The following FSTL4 variants were observed in gnomAD, a reference collection of about 807,000 sequenced individuals.
FSTL4 encodes follistatin-related protein 4.
FSTL4 carries 28 observed loss-of-function variants against 78.2 expected under a neutral mutation model. That is an observed-to-expected ratio of 0.36 (90% CI 0.27 to 0.49). The LOEUF is 0.49. FSTL4 is among the 20% of genes least tolerant of loss of function. The pLI is 0.98. For missense variants in FSTL4, 922 were observed against 1,084.9 expected (o/e 0.85, Z 2.11); for synonymous variants, 422 against 440.5 (o/e 0.96, Z 0.53).
At chr5:133,783,745 A>C in the FSTL4 span, among the ~76,000 whole-genome samples, 1 of 152,156 alleles carries the variant, frequency 6.6e-6, no homozygotes, top group South Asian at 2.1e-4. Flanking sequence ...TGGTTTGGGG[A>C]AACGTTCCTT....
At chr5:133,737,766 G>A in the FSTL4 span, among the ~76,000 whole-genome samples, 5 of 152,034 alleles carry the variant, frequency 3.3e-5, no homozygotes, top group East Asian at 1.9e-4. Flanking sequence ...CACTGTGCCC[G>A]GCTAATTTTT....
chr5:133,508,382 T>TAC (rs1758655617), intron 3 of FSTL4, among the ~76,000 whole-genome samples: 1 of 152,230 alleles, frequency 6.6e-6, no homozygotes, highest in African/African-American at 2.4e-5. Context: ...AGGTCTGAGC[T>TAC]ACCTTTGGGA....
At chr5:133,683,626 C>T in the FSTL4 span, among the ~76,000 whole-genome samples, 1 of 152,198 alleles carries the variant, frequency 6.6e-6, no homozygotes, top group Admixed American at 6.5e-5. Flanking sequence ...CAGCATCATG[C>T]TAATACATAT....
chr5:133,691,593 T>C, the FSTL4 span, among the ~76,000 whole-genome samples: 1 of 152,150 alleles, frequency 6.6e-6, no homozygotes, highest in East Asian at 1.9e-4. Context: ...GAGTCACCAC[T>C]GAACTCTCCT....
intron 3 of FSTL4, among the ~76,000 whole-genome samples, chr5:133,403,161 C>T (rs554047173): frequency 1.3e-4 from 20 of 152,358 alleles, no homozygotes; most frequent in Middle Eastern, 3.4e-3. Context: ...AGGGCCAGGA[C>T]GCAGAGCATT....
At chr5:133,421,480 G>A (rs1756694191) in intron 3 of FSTL4, among the ~76,000 whole-genome samples, 1 of 152,072 alleles carries the variant, frequency 6.6e-6, no homozygotes, top group Non-Finnish European at 1.5e-5. Flanking sequence ...ATGATCCCAG[G>A]CCCGACAGCT....
At chr5:133,685,032 G>T in the FSTL4 span, among the ~76,000 whole-genome samples, 1,745 of 152,330 alleles carry the variant, frequency 0.011, 37 homozygotes, top group African/African-American at 0.04. Context: ...TCTAGCAAAT[G>T]GTTGGTAGCA....
At chr5:133,726,766 A>G in the FSTL4 span, among the ~76,000 whole-genome samples, 1 of 152,220 alleles carries the variant, frequency 6.6e-6, no homozygotes, top group Non-Finnish European at 1.5e-5. Context: ...AAGCGATTTA[A>G]TTTGTAAAAC....
intron 4 of FSTL4, among the ~76,000 whole-genome samples, chr5:133,340,027 G>T (rs1293255758): frequency 6.6e-6 from 1 of 152,198 alleles, no homozygotes; most frequent in African/African-American, 2.4e-5. Context: ...GTGCTCACAG[G>T]ATAGGCCGGA....
chr5:133,790,850 C>T, the FSTL4 span, among the ~76,000 whole-genome samples: 61 of 152,370 alleles, frequency 4.0e-4, no homozygotes, highest in African/African-American at 1.4e-3. Context: ...TAGCCCTCGC[C>T]TCTCACCTGG....
At position 133,302,432 on chromosome 5, in the gene FSTL4, T is replaced by C. The variant is rs548002749; in HGVS notation, c.727+10222A>G. ...TCGAAAAAGGGAAATCAGATAAGAC[T>C]TGGGTACAAACACTTTACTGCAGGG... On this transcript the variant is annotated intron_variant, in intron 6 of 15. Coordinates refer to ENST00000265342, the MANE Select transcript of FSTL4 (RefSeq NM_015082.2). Among the ~76,000 whole-genome samples, 132 of 152,314 alleles carry C rather than the reference T, an allele frequency of 8.7e-4. 1 individual carries two copies. Among genetic ancestry groups the C allele is most frequent in the African/African-American group, 3.1e-3 (128 of 41,568 alleles).
intron 13 of FSTL4, chr5:133,210,808 T>G (rs1038061262): frequency 4.6e-5 from 7 of 152,166 alleles, no homozygotes; most frequent in African/African-American, 1.7e-4. Context: ...ATAAAATTAG[T>G]GGTCAATAAT....
At chr5:133,449,923 C>T (rs1196640290) in intron 3 of FSTL4, among the ~76,000 whole-genome samples, 3 of 152,160 alleles carry the variant, frequency 2.0e-5, no homozygotes, top group East Asian at 3.9e-4. Context: ...TGGGGTCCCA[C>T]TAGGCCTTTA....
chr5:133,620,460 G>A, the FSTL4 span, among the ~76,000 whole-genome samples: 10 of 152,256 alleles, frequency 6.6e-5, no homozygotes, highest in African/African-American at 2.4e-4. Context: ...TCAGATGAAT[G>A]CAATTTACAG....
intron 11 of FSTL4, among the ~76,000 whole-genome samples, chr5:133,221,912 T>TTTTTTGTTG (rs1751137440): frequency 8.8e-6 from 1 of 113,968 alleles, no homozygotes; most frequent in Non-Finnish European, 1.7e-5. Flanking sequence ...TTTTTTTTTT[T>TTTTTTGTTG]TTTTTTTTTT....
intron 12 of FSTL4, 103 bp from the exon 13 acceptor site, chr5:133,217,481 C>T: frequency 3.7e-6 from 4 of 1,079,136 alleles, no homozygotes; most frequent in South Asian, 1.6e-5. Context: ...TTCTTCCTCT[C>T]TCTTAGAATC....
At chr5:133,537,793 T>C (rs1475242615) in intron 3 of FSTL4, among the ~76,000 whole-genome samples, 1 of 151,402 alleles carries the variant, frequency 6.6e-6, no homozygotes, top group Non-Finnish European at 1.5e-5. Flanking sequence ...CATATATATA[T>C]ATATACACAC....
chr5:133,693,996 C>T, the FSTL4 span, among the ~76,000 whole-genome samples: 1 of 152,198 alleles, frequency 6.6e-6, no homozygotes, highest in Non-Finnish European at 1.5e-5. Flanking sequence ...CAGACATGCC[C>T]AGAAGGCATA....
chr5:133,438,239 G>A (rs575715457), intron 3 of FSTL4, among the ~76,000 whole-genome samples: 37 of 152,316 alleles, frequency 2.4e-4, no homozygotes, highest in South Asian at 2.3e-3. Flanking sequence ...CAAATTCTTG[G>A]ATCATAATCT....
Sources: gnomAD v4.1 joint callset for allele counts (sites outside exome capture counted in the v4.1 genomes callset) on GRCh38, gnomAD v4.1.1 for gene constraint, MANE v1.5 for transcripts, NCBI Gene and HGNC (gene_info 2026-07-23, HGNC 2026-07-21) for gene names.